The following GPHN variants were observed in gnomAD, a reference collection of about 807,000 sequenced individuals.
GPHN encodes the protein gephyrin.
Under a neutral mutation model 95.5 loss-of-function variants are expected in GPHN, and 17 were observed. The observed-to-expected ratio is 0.18, with a 90% CI of 0.12 to 0.27. GPHN has a LOEUF of 0.27. GPHN is among the 10% of genes least tolerant of loss of function. The pLI, the probability that GPHN is intolerant of heterozygous loss-of-function variation, is 1.00. For missense variants in GPHN, 660 were observed against 978.1 expected, an observed-to-expected ratio of 0.67 and a Z score of 4.34; for synonymous variants, 320 against 322.5, an observed-to-expected ratio of 0.99 and a Z score of 0.08.
intron 8 of GPHN, among the ~76,000 whole-genome samples, chr14:66,941,318 C>G (rs1389912492): frequency 1.3e-5 from 2 of 151,692 alleles, no homozygotes; most frequent in Non-Finnish European, 2.9e-5. Flanking sequence ...TATATTTAGC[C>G]TGATTATTTG....
chr14:67,387,504 C>G, the GPHN span: 2 of 1,575,218 alleles, frequency 1.3e-6, no homozygotes, highest in South Asian at 2.4e-5. Flanking sequence ...ATAGCCATGT[C>G]TGCTTTCATC....
chr14:67,391,448 C>T, the GPHN span, among the ~76,000 whole-genome samples: 1 of 151,942 alleles, frequency 6.6e-6, no homozygotes, highest in Non-Finnish European at 1.5e-5. Flanking sequence ...GGAAGGACTC[C>T]TATCAGGCCC....
intron 11 of GPHN, among the ~76,000 whole-genome samples, chr14:67,080,362 C>T (rs1298340885): frequency 2.0e-5 from 3 of 150,922 alleles, no homozygotes; most frequent in African/African-American, 7.3e-5. Context: ...TCATAGGTTG[C>T]CTTTTTACTC....
rs1341657735 is a variant in GPHN, at chr14:66,965,157, A to G, written c.829-34A>G. On this transcript the variant is annotated intron_variant, in intron 8 of 22. Transcript: ENST00000478722. ...GATTCTACATGTTATTGACATTTTC[A>G]GAATATTAAACCATAGTTGTTCCCC... 3.1e-6 allele frequency: 5 copies of G among 1,588,880 alleles called. No homozygotes were observed. In the Admixed American group the frequency reaches 8.3e-5, roughly 27 times the overall value.
the GPHN span, among the ~76,000 whole-genome samples, chr14:67,194,150 C>G: frequency 2.6e-4 from 39 of 151,828 alleles, no homozygotes; most frequent in East Asian, 7.2e-3. Context: ...ATTGCTTGAG[C>G]TCAGGAGTTC....
At chr14:67,444,241 G>A in the GPHN span, among the ~76,000 whole-genome samples, 2 of 152,214 alleles carry the variant, frequency 1.3e-5, no homozygotes, top group African/African-American at 4.8e-5. Flanking sequence ...TCCTGAGGCT[G>A]TGTCATGGGC....
intron 9 of GPHN, among the ~76,000 whole-genome samples, chr14:67,001,464 T>C (rs942063443): frequency 1.3e-5 from 2 of 151,640 alleles, no homozygotes; most frequent in Non-Finnish European, 3.0e-5. Flanking sequence ...TGTCTTTTTG[T>C]AATATCAAAC....
At chr14:67,564,920 G>C in the GPHN span, among the ~76,000 whole-genome samples, 1 of 152,086 alleles carries the variant, frequency 6.6e-6, no homozygotes, top group Non-Finnish European at 1.5e-5. Context: ...CGAACTCCCA[G>C]GCTCAGGTGG....
intron 2 of GPHN, among the ~76,000 whole-genome samples, chr14:66,764,529 A>G (rs561120620): frequency 2.0e-5 from 3 of 152,126 alleles, no homozygotes; most frequent in Non-Finnish European, 2.9e-5. Flanking sequence ...AATACGTGCC[A>G]GGTCAGGGCT....
chr14:66,725,093 A>G (rs1433789569), intron 2 of GPHN, among the ~76,000 whole-genome samples: 1 of 152,174 alleles, frequency 6.6e-6, no homozygotes, highest in Non-Finnish European at 1.5e-5. Flanking sequence ...TAACAAGAAT[A>G]CAGACTCACC....
At chr14:66,612,648 A>G (rs909563586) in intron 1 of GPHN, among the ~76,000 whole-genome samples, 1 of 152,060 alleles carries the variant, frequency 6.6e-6, no homozygotes, top group Non-Finnish European at 1.5e-5. Context: ...TAAACACATG[A>G]AACCCAATCC....
intron 1 of GPHN, among the ~76,000 whole-genome samples, chr14:66,645,670 C>T (rs1195511520): frequency 7.5e-6 from 1 of 134,166 alleles, no homozygotes; most frequent in Non-Finnish European, 1.5e-5. Context: ...CCAGCTTGGG[C>T]GACAGAGTGA....
the GPHN span, chr14:67,585,674 G>T: frequency 4.7e-6 from 7 of 1,482,302 alleles, no homozygotes; most frequent in South Asian, 1.2e-5. Context: ...GATGCAGGCT[G>T]CTCCCTGACC....
the GPHN span, among the ~76,000 whole-genome samples, chr14:67,316,016 C>T: frequency 6.6e-6 from 1 of 152,198 alleles, no homozygotes; most frequent in Non-Finnish European, 1.5e-5. Flanking sequence ...GCACTAAGTT[C>T]TACAGATTAT....
the GPHN span, among the ~76,000 whole-genome samples, chr14:67,661,732 C>A: frequency 6.6e-6 from 1 of 151,872 alleles, no homozygotes; most frequent in South Asian, 2.1e-4. Flanking sequence ...GGGGGTCTCC[C>A]TATGTCGCCC....
chr14:67,472,598 G>C, the GPHN span: 1 of 152,872 alleles, frequency 6.5e-6, no homozygotes, highest in South Asian at 2.1e-4. Flanking sequence ...GGGCTGCAAG[G>C]GGGTGAGGGT....
At chr14:66,952,837 G>A (rs2068198078) in intron 8 of GPHN, among the ~76,000 whole-genome samples, 1 of 152,030 alleles carries the variant, frequency 6.6e-6, no homozygotes, top group Admixed American at 6.5e-5. Flanking sequence ...TAGGATTACA[G>A]GTGCCCGGCA....
chr14:66,723,703 A>G (rs975372024), intron 2 of GPHN, among the ~76,000 whole-genome samples: 1 of 152,156 alleles, frequency 6.6e-6, no homozygotes, highest in Admixed American at 6.5e-5. Flanking sequence ...GAGTAAACCT[A>G]AGTGGAAAAC....
chr14:67,278,341 C>T, the GPHN span, among the ~76,000 whole-genome samples: 1,143 of 138,276 alleles, frequency 8.3e-3, 14 homozygotes, highest in African/African-American at 0.027. Flanking sequence ...CGGCCCAATT[C>T]TTTTTTTTTT....
Sources: allele counts gnomAD v4.1 joint callset (sites outside exome capture counted in the v4.1 genomes callset), GRCh38; gene constraint gnomAD v4.1.1; transcripts MANE v1.5; gene names NCBI Gene and HGNC (gene_info 2026-07-23, HGNC 2026-07-21).